IL12B: variants seen among roughly 807,000 people sequenced by gnomAD.
The protein encoded by IL12B is interleukin 12B, also known as interleukin-12 subunit beta.
Under a neutral mutation model 39.2 loss-of-function variants are expected in IL12B, and 27 were observed. The ratio of observed to expected loss-of-function variants is 0.69; its 90% CI spans 0.51 to 0.95. IL12B has a LOEUF of 0.95. IL12B is among the 40% of genes least tolerant of loss of function. The probability of loss-of-function intolerance (pLI) is 0.00; values close to 1 mark genes in which losing one functional copy is unlikely to be tolerated. For synonymous variants in IL12B, 142 were observed against 152.1 expected, an observed-to-expected ratio of 0.93 and a Z score of 0.49; for missense variants, 351 against 397.6, an observed-to-expected ratio of 0.88 and a Z score of 1.00.
At position 159,322,520 on chromosome 5, in the gene IL12B, GA is replaced by G. The variant is rs1240070873; in HGVS notation, c.365-10del. On this transcript the variant is annotated splice_polypyrimidine_tract_variant and intron_variant, in intron 3 of 7. Transcript: ENST00000231228. ...GGTCTTATTTTTGGGTTCTGGATTT[GA>G]AAAAAACAAAAATTCAATATTTAGG... is the stretch of plus-strand genomic sequence containing the variant. 7.0e-6 allele frequency: 11 copies of G among 1,564,180 alleles called. No individual in the cohort carries two copies. Among genetic ancestry groups the G allele is most frequent in the Admixed American group, 1.7e-5 (1 of 59,912 alleles).
At chr5:159,322,736 C>A (rs896118767) in intron 3 of IL12B, among the ~76,000 whole-genome samples, 4 of 152,176 alleles carry the variant, frequency 2.6e-5, no homozygotes, top group Admixed American at 6.5e-5. Context: ...TGAAGGCTAT[C>A]ACCCCAGTGC....
At chr5:159,322,369 G>T in intron 4 of IL12B, 25 bp downstream of exon 4, 2 of 1,370,662 alleles carry the variant, frequency 1.5e-6, no homozygotes, top group South Asian at 1.2e-5. Flanking sequence ...GAAAAATGCT[G>T]AGAAACCAGA....
At chr5:159,329,812 CT>C (rs961646635) in intron 1 of IL12B, among the ~76,000 whole-genome samples, 10 of 152,028 alleles carry the variant, frequency 6.6e-5, no homozygotes, top group African/African-American at 1.4e-4. Context: ...GTAAAAAAAC[CT>C]TTTTTTCCCC....
chr5:159,328,467 G>C (rs2546892), intron 1 of IL12B, among the ~76,000 whole-genome samples: 1 of 152,050 alleles, frequency 6.6e-6, no homozygotes, highest in African/African-American at 2.4e-5. Context: ...TATCTCAAAG[G>C]CTTGTTGGGA....
In IL12B at chr5:159,320,533, A is replaced by G. The variant is rs764858800; in HGVS notation, c.483-13T>C. On this transcript the variant is annotated splice_polypyrimidine_tract_variant and intron_variant, in intron 4 of 7. Coordinates refer to ENST00000231228, the MANE Select transcript of IL12B (RefSeq NM_002187.3). ...GGGGTCAGAAGAGCTGAAGTCAAAG[A>G]CAGAAATTAGCCTGTGTTACACATT... 11 of 1,609,164 alleles carry G rather than the reference A, an allele frequency of 6.8e-6. No homozygotes were observed. Among genetic ancestry groups the G allele is most frequent in the Middle Eastern group, 1.7e-4 (1 of 5,858 alleles).
In IL12B at chr5:159,323,040, G is replaced by C. The variant is rs755246619; in HGVS notation, c.364+14C>G. 1 of 1,612,018 alleles carries C rather than the reference G, an allele frequency of 6.2e-7. No individual in the cohort carries two copies. Among genetic ancestry groups the C allele is most frequent in the Non-Finnish European group, 8.5e-7 (1 of 1,178,162 alleles). ...GAAAGAGAAAATTGATACTATCCAA[G>C]GGTATAGAATTACCTTTCTGGTCCT... On this transcript the variant is annotated intron_variant, in intron 3 of 7. Transcript: ENST00000231228.
chr5:159,318,769 G>A lies in IL12B; in HGVS notation c.822C>T (p.Cys274=), dbSNP rs764163895. The A allele has an allele frequency of 1.1e-5, 18 of 1,614,016 alleles. No homozygotes were observed. The highest frequency in any genetic ancestry group is 1.6e-4 in the Middle Eastern group (1 of 6,084). The change falls in exon 6 of 8, where the codon TGC becomes TGT. Residue 274 remains cysteine, a synonymous_variant. Transcript: ENST00000231228. ...TCTTGCTCTTGCCCTGGACCTGAAC[G>A]CAGAATGTCAGGGAGAAGTAGGAAT... The part of the protein sequence containing the change: ...TPHSYFSLTF[C]VQVQGKSKRE...
chr5:159,322,269 A>G, intron 4 of IL12B, 125 bp downstream of exon 4: 1 of 773,584 alleles, frequency 1.3e-6, no homozygotes, highest in Non-Finnish European at 2.3e-6. Context: ...GGGCGGTTGA[A>G]AAAACACGGG....
intron 1 of IL12B, among the ~76,000 whole-genome samples, chr5:159,328,717 C>T (rs1345284669): frequency 3.9e-5 from 6 of 152,178 alleles, no homozygotes; most frequent in Admixed American, 6.5e-5. Flanking sequence ...TGGCCACTTA[C>T]GCTGAGGTAT....
chr5:159,322,637 C>G, intron 3 of IL12B, 126 bp from the exon 4 acceptor site: 1 of 724,174 alleles, frequency 1.4e-6, no homozygotes, highest in South Asian at 1.5e-5. Flanking sequence ...TCTTGGGTAG[C>G]TCCATAAGGA....
intron 4 of IL12B, 31 bp from the exon 5 acceptor site, chr5:159,320,551 T>TA (rs764703845): frequency 1.3e-6 from 2 of 1,572,490 alleles, no homozygotes; most frequent in African/African-American, 2.7e-5. Context: ...TAGCCTGTGT[T>TA]ACACATTGGG....
rs1754107679 is a variant in IL12B, at chr5:159,322,397, C to T, written c.479G>A (p.Arg160Lys). The change falls in exon 4 of 8, where the codon AGA becomes AAA. Residue 160 changes from arginine (R) to lysine (K), a missense_variant. Physicochemically the swap from Arg to Lys is conservative, Grantham distance 26. Transcript: ENST00000231228. ...TDLTFSVKSS[R>K]GSSDPQGVTC... ...AAACCAGAGCAGTTTCACTCACCCT[C>T]TGCTGCTTTTGACACTGAATGTCAA... The T allele has an allele frequency of 1.3e-6, 2 of 1,588,900 alleles. No homozygotes were observed. Among genetic ancestry groups the T allele is most frequent in the Non-Finnish European group, 1.7e-6 (2 of 1,156,864 alleles).
intron 1 of IL12B, among the ~76,000 whole-genome samples, chr5:159,330,045 A>C (rs1050278212): frequency 6.6e-6 from 1 of 152,202 alleles, no homozygotes; most frequent in Non-Finnish European, 1.5e-5. Context: ...AAGGCTTTTT[A>C]AAAATTTCAA....
intron 2 of IL12B, 142 bp downstream of exon 2, chr5:159,326,553 A>G (rs1237475177): frequency 6.1e-6 from 4 of 658,060 alleles, no homozygotes; most frequent in Admixed American, 2.7e-5. Context: ...GAGATATGGC[A>G]TTGCATTTTC....
intron 5 of IL12B, among the ~76,000 whole-genome samples, chr5:159,319,239 G>A (rs1430100461): frequency 6.6e-6 from 1 of 152,192 alleles, no homozygotes; most frequent in African/African-American, 2.4e-5. Context: ...CACCCTGTCT[G>A]TGCTAATCCC....
chr5:159,323,581 G>A (rs1584755308), intron 2 of IL12B, among the ~76,000 whole-genome samples: 1 of 152,268 alleles, frequency 6.6e-6, no homozygotes, highest in South Asian at 2.1e-4. Context: ...AGTAACCTTT[G>A]ATTATTTAGC....
chr5:159,326,644 G>T, intron 2 of IL12B, 51 bp downstream of exon 2: 1 of 1,321,454 alleles, frequency 7.6e-7, no homozygotes, highest in Non-Finnish European at 1.1e-6. Context: ...CTGCCCAAGA[G>T]TCCTGGCTTA....
Position 159,322,411 on chromosome 5 carries a change from A to G in IL12B, c.465T>C (p.Ser155=). Residue 155 remains serine (S), a synonymous_variant, in exon 4 of 8, where the codon AGT becomes AGC. Transcript: ENST00000231228. The part of the protein sequence containing the change: ...LTTISTDLTF[S]VKSSRGSSDP... ...TCACTCACCCTCTGCTGCTTTTGAC[A>G]CTGAATGTCAAATCAGTACTGATTG... The G allele has an allele frequency of 6.2e-7, 1 of 1,608,720 alleles. No homozygotes were observed. Among genetic ancestry groups the G allele is most frequent in the Non-Finnish European group, 8.5e-7 (1 of 1,175,026 alleles).
chr5:159,320,239 G>A, intron 5 of IL12B, 67 bp downstream of exon 5: 1 of 1,322,172 alleles, frequency 7.6e-7, no homozygotes, highest in East Asian at 2.3e-5. Flanking sequence ...ACAGTGCATG[G>A]GGCATTGTGA....
Sources: allele counts gnomAD v4.1 joint callset (sites outside exome capture counted in the v4.1 genomes callset), GRCh38; gene constraint gnomAD v4.1.1; transcripts MANE v1.5; gene names NCBI Gene and HGNC (gene_info 2026-07-23, HGNC 2026-07-21).